SLC22A24: variants seen among roughly 807,000 people sequenced by gnomAD.
The protein encoded by SLC22A24 is solute carrier family 22 member 24, also known as steroid transmembrane transporter SLC22A24.
In SLC22A24, 53 loss-of-function variants were observed where a neutral mutation model predicts 49.8. The observed-to-expected ratio is 1.06, with a 90% CI of 0.85 to 1.34. The LOEUF (loss-of-function observed/expected upper bound fraction) is 1.34. Ranked by LOEUF, SLC22A24 falls within the 40% of genes most tolerant of loss-of-function variation. The pLI is 0.00. For missense variants in SLC22A24, 786 were observed against 675.9 expected, an observed-to-expected ratio of 1.16 and a Z score of -1.81; for synonymous variants, 302 against 256.4, an observed-to-expected ratio of 1.18 and a Z score of -1.70.
intron 4 of SLC22A24, among the ~76,000 whole-genome samples, chr11:63,117,388 C>T (rs554240801): frequency 1.3e-5 from 2 of 152,244 alleles, no homozygotes; most frequent in East Asian, 1.9e-4. Context: ...AATACTTCTC[C>T]CAGTCTTTAT....
At chr11:63,094,961 G>T (rs948739159) in intron 6 of SLC22A24, among the ~76,000 whole-genome samples, 27 of 152,174 alleles carry the variant, frequency 1.8e-4, no homozygotes, top group African/African-American at 5.3e-4. Flanking sequence ...AGTTTCTTTT[G>T]CTGTGCAGAA....
At chr11:63,113,455 G>A (rs940094545) in intron 4 of SLC22A24, among the ~76,000 whole-genome samples, 19 of 151,828 alleles carry the variant, frequency 1.3e-4, no homozygotes, top group African/African-American at 4.4e-4. Context: ...CCCATTGGTG[G>A]CAAAATCTCT....
chr11:63,094,315 A>AT (rs2087039387), intron 6 of SLC22A24, among the ~76,000 whole-genome samples: 1 of 151,654 alleles, frequency 6.6e-6, no homozygotes, highest in Non-Finnish European at 1.5e-5. Context: ...TGGACTCATC[A>AT]TTTTTTATGG....
intron 4 of SLC22A24, 88 bp downstream of exon 4, chr11:63,118,824 G>A (rs984094379): frequency 7.2e-7 from 1 of 1,382,702 alleles, no homozygotes; most frequent in African/African-American, 1.4e-5. Flanking sequence ...CTAGGCCAGA[G>A]ACCGAACAGA....
At position 63,095,990 on chromosome 11, in the gene SLC22A24, C is replaced by T; in HGVS notation, c.1070+1G>A. The T allele has an allele frequency of 6.5e-7, 1 of 1,544,360 alleles. No individual in the cohort carries two copies. The highest frequency in any genetic ancestry group is 2.0e-5 in the Admixed American group (1 of 50,786). ...GTGAATCATCACCAAATGGAACTTA[C>T]CTCACAAAGCACAGGCCGAAGACTC... On this transcript the variant is annotated splice_donor_variant, in intron 6 of 9. Coordinates refer to ENST00000612278, the MANE Select transcript of SLC22A24 (RefSeq NM_001136506.2). LOFTEE classifies it high-confidence loss of function.
In SLC22A24 at chr11:63,113,011, CA is replaced by C. The variant is rs869264212; in HGVS notation, c.830+5900del. 0.02 allele frequency among the ~76,000 whole-genome samples: 236 copies of C among 12,026 alleles called. 66 individuals carry two copies. In the Middle Eastern group the frequency reaches 0.29, roughly 15 times the overall value. 7.9% of individuals were successfully genotyped at this position (12,026 alleles called of 152,430 possible). ...GCCTGTGTGACAGCAGACTCTGTCT[CA>C]AAAAAAAAAAAAAAAAAAAAAAAAT... On this transcript the variant is annotated intron_variant, in intron 4 of 9. Coordinates refer to ENST00000612278, the MANE Select transcript of SLC22A24 (RefSeq NM_001136506.2).
chr11:63,108,085 CTT>C (rs566489254), intron 4 of SLC22A24, among the ~76,000 whole-genome samples: 1 of 152,050 alleles, frequency 6.6e-6, no homozygotes, highest in Non-Finnish European at 1.5e-5. Flanking sequence ...ATAAATAACT[CTT>C]ATTATTTTGA....
chr11:63,133,961 T>C (rs1307302582), intron 2 of SLC22A24, among the ~76,000 whole-genome samples: 1 of 152,222 alleles, frequency 6.6e-6, no homozygotes, highest in Non-Finnish European at 1.5e-5. Flanking sequence ...AGGTTCTTAA[T>C]TTATTTATAT....
intron 4 of SLC22A24, among the ~76,000 whole-genome samples, chr11:63,111,755 A>C (rs543974136): frequency 8.6e-5 from 13 of 151,872 alleles, no homozygotes; most frequent in Admixed American, 8.5e-4. Flanking sequence ...TCTGTATTAG[A>C]CTTGCTAGTG....
At chr11:63,113,855 A>AG (rs2087193612) in intron 4 of SLC22A24, among the ~76,000 whole-genome samples, 1 of 123,188 alleles carries the variant, frequency 8.1e-6, no homozygotes, top group African/African-American at 3.2e-5. Context: ...CTCCATCTCA[A>AG]AAAAAAAAAA....
intron 5 of SLC22A24, among the ~76,000 whole-genome samples, chr11:63,099,136 AG>A (rs2087074309): frequency 6.6e-6 from 1 of 152,114 alleles, no homozygotes; most frequent in South Asian, 2.1e-4. Context: ...CTCCCAGCAA[AG>A]TAAGCACAGG....
intron 5 of SLC22A24, among the ~76,000 whole-genome samples, chr11:63,099,007 G>C (rs1333508345): frequency 2.6e-5 from 4 of 151,950 alleles, no homozygotes; most frequent in African/African-American, 9.7e-5. Flanking sequence ...CATTATAAAA[G>C]CTAGAAAAAA....
intron 6 of SLC22A24, among the ~76,000 whole-genome samples, chr11:63,095,634 A>G (rs935642693): frequency 1.3e-5 from 2 of 152,132 alleles, no homozygotes; most frequent in African/African-American, 4.8e-5. Context: ...AGTTTTATAG[A>G]TTTGCAAAAT....
chr11:63,080,685 A>G (rs1481999524), intron 9 of SLC22A24, among the ~76,000 whole-genome samples: 1 of 152,130 alleles, frequency 6.6e-6, no homozygotes, highest in Non-Finnish European at 1.5e-5. Flanking sequence ...TCTTTTCACC[A>G]CTGAACCTTC....
intron 6 of SLC22A24, among the ~76,000 whole-genome samples, chr11:63,084,703 A>G (rs982253288): frequency 1.3e-5 from 2 of 152,092 alleles, no homozygotes; most frequent in African/African-American, 4.8e-5. Flanking sequence ...AGGTATGTAG[A>G]GTGTAGAAAC....
intron 6 of SLC22A24, among the ~76,000 whole-genome samples, chr11:63,095,440 A>T (rs2087048026): frequency 6.6e-6 from 1 of 152,194 alleles, no homozygotes; most frequent in South Asian, 2.1e-4. Flanking sequence ...AATAAATTTC[A>T]CATATTTAAA....
At chr11:63,115,629 A>T (rs1388783560) in intron 4 of SLC22A24, among the ~76,000 whole-genome samples, 1 of 152,162 alleles carries the variant, frequency 6.6e-6, no homozygotes, top group South Asian at 2.1e-4. Flanking sequence ...AAATGCAGAA[A>T]TCACCCATCT....
At chr11:63,143,293 T>TAAAG (rs2087428003) in intron 1 of SLC22A24, 85 bp downstream of exon 1, 2 of 1,219,674 alleles carry the variant, frequency 1.6e-6, no homozygotes, top group Non-Finnish European at 2.1e-6. Flanking sequence ...ATCTAAGGAC[T>TAAAG]AAAGGTATAA....
At chr11:63,097,326 G>C (rs1378378672) in intron 5 of SLC22A24, among the ~76,000 whole-genome samples, 1 of 152,136 alleles carries the variant, frequency 6.6e-6, no homozygotes, top group Non-Finnish European at 1.5e-5. Context: ...ATGAAAAAAA[G>C]CTCATCATCC....
Sources: allele counts gnomAD v4.1 joint callset (sites outside exome capture counted in the v4.1 genomes callset), GRCh38; gene constraint gnomAD v4.1.1; transcripts MANE v1.5; gene names NCBI Gene and HGNC (gene_info 2026-07-23, HGNC 2026-07-21).